Variants in PRSS23 observed in about 807,000 individuals in gnomAD.
PRSS23 encodes serine protease 23.
In PRSS23, 25 loss-of-function variants were observed where a neutral mutation model predicts 34.7. The ratio of observed to expected loss-of-function variants is 0.72; its 90% CI spans 0.53 to 1.01. PRSS23 has a LOEUF of 1.01. Among genes scored for constraint, PRSS23 ranks in the 50% least tolerant of loss-of-function variants. The pLI, the probability that PRSS23 is intolerant of heterozygous loss-of-function variation, is 0.00. For missense variants in PRSS23, 445 were observed against 475.6 expected (o/e 0.94, Z 0.60); for synonymous variants, 176 against 186.6 (o/e 0.94, Z 0.46).
intron 2 of PRSS23, among the ~76,000 whole-genome samples, chr11:86,873,296 A>T (rs557813677): frequency 0.028 from 3,170 of 112,442 alleles, 48 homozygotes; most frequent in Middle Eastern, 0.045. Context: ...ATATATATAT[A>T]TTTTTTTTCT....
intron 2 of PRSS23, among the ~76,000 whole-genome samples, chr11:86,850,257 C>T (rs75393268): frequency 0.091 from 13,901 of 152,226 alleles, 868 homozygotes; most frequent in Non-Finnish European, 0.13. Context: ...TAGTGAGAAA[C>T]CCTGGAATGA....
chr11:86,821,441 A>T, intron 1 of PRSS23: 1 of 1,573,544 alleles, frequency 6.4e-7, no homozygotes, highest in Non-Finnish European at 8.7e-7. Context: ...AGCACCATCA[A>T]GTATGTGTCT....
intron 2 of PRSS23, among the ~76,000 whole-genome samples, chr11:86,923,212 C>A (rs1382149721): frequency 6.7e-6 from 1 of 150,160 alleles, no homozygotes; most frequent in Non-Finnish European, 1.5e-5. Context: ...CAACCTCGAA[C>A]TCCTGGGCTC....
At chr11:86,883,152 T>A (rs771930622) in intron 2 of PRSS23, among the ~76,000 whole-genome samples, 1 of 152,240 alleles carries the variant, frequency 6.6e-6, no homozygotes, top group African/African-American at 2.4e-5. Flanking sequence ...ATTCTGTAGA[T>A]TGTCTGTTTA....
chr11:86,900,240 C>A (rs1948902438), intron 2 of PRSS23, among the ~76,000 whole-genome samples: 1 of 152,206 alleles, frequency 6.6e-6, no homozygotes, highest in Admixed American at 6.5e-5. Flanking sequence ...TAATTGTAGA[C>A]ACTTTGCACT....
chr11:86,801,148 G>T (rs2135593318), intron 1 of PRSS23, among the ~76,000 whole-genome samples: 1 of 152,328 alleles, frequency 6.6e-6, no homozygotes, highest in Middle Eastern at 3.4e-3. Flanking sequence ...CAAAAGTGCA[G>T]CAAATACAGG....
chr11:86,927,645 C>T (rs376321210), intron 2 of PRSS23, among the ~76,000 whole-genome samples: 1 of 152,124 alleles, frequency 6.6e-6, no homozygotes, highest in South Asian at 2.1e-4. Flanking sequence ...CTGTGCCCGG[C>T]CTTACCTTCT....
chr11:86,891,938 C>G (rs1565378817), intron 2 of PRSS23, among the ~76,000 whole-genome samples: 1 of 152,178 alleles, frequency 6.6e-6, no homozygotes, highest in African/African-American at 2.4e-5. Flanking sequence ...CCCAGCCATG[C>G]CAAACTGTGA....
chr11:86,807,413 C>G (rs1948113988), intron 1 of PRSS23, among the ~76,000 whole-genome samples: 2 of 152,170 alleles, frequency 1.3e-5, no homozygotes, highest in Admixed American at 1.3e-4. Flanking sequence ...AAGGAACACC[C>G]AATTTCACTT....
At chr11:86,843,623 C>A (rs1948464768) in intron 2 of PRSS23, among the ~76,000 whole-genome samples, 1 of 152,162 alleles carries the variant, frequency 6.6e-6, no homozygotes, top group African/African-American at 2.4e-5. Context: ...ACAGACACTT[C>A]TCAAAAGAAG....
intron 2 of PRSS23, among the ~76,000 whole-genome samples, chr11:86,943,663 T>A (rs563378083): frequency 6.6e-6 from 1 of 152,096 alleles, no homozygotes; most frequent in East Asian, 1.9e-4. Context: ...AAAATAGAAA[T>A]CAGAGGGATA....
At chr11:86,847,349 A>T (rs1007693571) in intron 2 of PRSS23, among the ~76,000 whole-genome samples, 1 of 152,124 alleles carries the variant, frequency 6.6e-6, no homozygotes, top group African/African-American at 2.4e-5. Flanking sequence ...AACAGGTTGG[A>T]TGTATTGGCA....
At chr11:86,885,204 C>A (rs1363529429) in intron 2 of PRSS23, among the ~76,000 whole-genome samples, 4 of 152,162 alleles carry the variant, frequency 2.6e-5, no homozygotes, top group Non-Finnish European at 5.9e-5. Context: ...ATCAGTGACT[C>A]AAGAATGTTA....
At chr11:86,804,172 A>G (rs147362294) in intron 1 of PRSS23, among the ~76,000 whole-genome samples, 140 of 152,332 alleles carry the variant, frequency 9.2e-4, no homozygotes, top group African/African-American at 3.1e-3. Flanking sequence ...GTAAAGGACT[A>G]AGCAACTTAA....
chr11:86,823,199 A>T (rs1001805268), intron 1 of PRSS23: 1 of 599,614 alleles, frequency 1.7e-6, no homozygotes, highest in Non-Finnish European at 3.0e-6. Flanking sequence ...CAATTTATTC[A>T]GTTCCTATTT....
In PRSS23 at chr11:86,807,774, C is replaced by G. The variant is rs1433403869; in HGVS notation, c.131C>G (p.Ser44Cys). The G allele has an allele frequency of 6.2e-7, 1 of 1,614,078 alleles. No homozygotes were observed. Among genetic ancestry groups the G allele is most frequent in the Admixed American group, 1.7e-5 (1 of 60,010 alleles). Reference protein sequence around the residue: ...AYRLPVVLPQSTLNLAKPDFG... With the variant: ...AYRLPVVLPQCTLNLAKPDFG... Reference sequence around the variant, plus strand: ...CGCCTCCCTGTCGTCTTGCCCCAGTCTACCCTCAATTTAGCCAAGCCAGAC... The same window carrying G: ...CGCCTCCCTGTCGTCTTGCCCCAGTGTACCCTCAATTTAGCCAAGCCAGAC... Residue 44 changes from serine to cysteine, a missense_variant, in exon 2 of 2, where the codon TCT becomes TGT. By Grantham distance (112) the Ser-to-Cys change is moderately radical. Coordinates refer to ENST00000280258, the MANE Select transcript of PRSS23 (RefSeq NM_007173.6).
upstream of PRSS23, among the ~76,000 whole-genome samples, chr11:86,797,114 G>A (rs1947986239): frequency 6.6e-6 from 1 of 152,246 alleles, no homozygotes; most frequent in Non-Finnish European, 1.5e-5. Flanking sequence ...GCTTTGCCCT[G>A]AATGCATTTT....
intron 2 of PRSS23, among the ~76,000 whole-genome samples, chr11:86,917,270 G>C (rs1358067325): frequency 6.6e-6 from 1 of 152,252 alleles, no homozygotes; most frequent in Non-Finnish European, 1.5e-5. Context: ...AGTGAGCTGA[G>C]ATTGTGCCAT....
chr11:86,879,860 G>C (rs1347445623), intron 2 of PRSS23, among the ~76,000 whole-genome samples: 2 of 140,910 alleles, frequency 1.4e-5, no homozygotes, highest in Admixed American at 1.4e-4. Context: ...CGCCCCGTCC[G>C]GGAGGTGAGG....
Sources: allele counts gnomAD v4.1 joint callset (sites outside exome capture counted in the v4.1 genomes callset), GRCh38; gene constraint gnomAD v4.1.1; transcripts MANE v1.5; gene names NCBI Gene and HGNC (gene_info 2026-07-23, HGNC 2026-07-21).